The following TTC39C variants were observed in gnomAD, a reference collection of about 807,000 sequenced individuals.
TTC39C encodes the protein tetratricopeptide repeat protein 39C.
TTC39C carries 33 observed loss-of-function variants against 76.3 expected under a neutral mutation model. The observed-to-expected ratio is 0.43, with a 90% CI of 0.33 to 0.58. TTC39C has a LOEUF of 0.58. Among genes scored for constraint, TTC39C ranks in the 20% least tolerant of loss-of-function variants. The pLI is 0.04. For missense variants in TTC39C, 595 were observed against 701.4 expected, an observed-to-expected ratio of 0.85 and a Z score of 1.71; for synonymous variants, 254 against 260.6, an observed-to-expected ratio of 0.97 and a Z score of 0.24.
Position 24,047,942 on chromosome 18 carries a change from A to T in TTC39C, c.168-16198A>T, listed in dbSNP as rs188093480. ...AATATATACACCTATGTACTCATAAAAATTAAAAATTAAACATTAAAAAAG... is the reference window on the plus strand; with the variant it reads ...AATATATACACCTATGTACTCATAATAATTAAAAATTAAACATTAAAAAAG... On this transcript the variant is annotated intron_variant, in intron 1 of 13. Coordinates refer to ENST00000317571, the MANE Select transcript of TTC39C (RefSeq NM_001135993.2). Among the ~76,000 whole-genome samples, 486 of 152,304 alleles carry T rather than the reference A, an allele frequency of 3.2e-3. 4 individuals carry two copies. The highest frequency in any genetic ancestry group is 6.8e-3 in the Middle Eastern group (2 of 294).
In TTC39C at chr18:24,118,219, C is replaced by T. The variant is rs752057925; in HGVS notation, c.1173C>T (p.Ala391=). 2.5e-6 allele frequency: 4 copies of T among 1,613,270 alleles called. No homozygotes were observed. In the Admixed American group the frequency reaches 6.7e-5, roughly 27 times the overall value. The part of the protein sequence containing the change: ...NESRWSQCYY[A]YLTAVCQGAT... ...CCAGGTGGTCCCAGTGCTATTATGC[C>T]TACTTGACTGCAGGTGAGTCGCCCA... is the stretch of plus-strand genomic sequence containing the variant. The change falls in exon 8 of 14, where the codon GCC becomes GCT. Residue 391 remains alanine, a synonymous_variant. Coordinates refer to ENST00000317571, the MANE Select transcript of TTC39C (RefSeq NM_001135993.2).
chr18:24,014,722 C>A, upstream of TTC39C: 1 of 1,121,966 alleles, frequency 8.9e-7, no homozygotes, highest in Non-Finnish European at 1.1e-6. Flanking sequence ...CGGTCCTTCC[C>A]TCCTCTTCCC....
At chr18:24,088,918 C>T (rs377669586) in intron 6 of TTC39C, among the ~76,000 whole-genome samples, 81 of 152,302 alleles carry the variant, frequency 5.3e-4, no homozygotes, top group South Asian at 1.2e-3. Context: ...TCCATGACTT[C>T]GGGTGCCATC....
intron 6 of TTC39C, among the ~76,000 whole-genome samples, chr18:24,104,706 G>GTGTGTT (rs2084724587): frequency 6.6e-6 from 1 of 151,010 alleles, no homozygotes; most frequent in Non-Finnish European, 1.5e-5. Context: ...GTGTGTGTGT[G>GTGTGTT]TGTGTGTGTG....
intron 1 of TTC39C, among the ~76,000 whole-genome samples, chr18:24,048,502 T>C (rs1418012467): frequency 1.3e-5 from 2 of 152,270 alleles, no homozygotes; most frequent in Admixed American, 6.5e-5. Context: ...TATGCCTGTA[T>C]GAGTAGGAAA....
chr18:24,065,871 A>T, intron 2 of TTC39C, 141 bp from the exon 3 acceptor site: 1 of 822,240 alleles, frequency 1.2e-6, no homozygotes, highest in Non-Finnish European at 1.8e-6. Flanking sequence ...TTGAATGAAT[A>T]GATTATGCTG....
intron 1 of TTC39C, chr18:24,020,113 G>A (rs1313775847): frequency 7.9e-7 from 1 of 1,269,232 alleles, no homozygotes; most frequent in East Asian, 3.2e-5. Context: ...TGTAAGAAAA[G>A]GAGAAGAAAT....
In TTC39C at chr18:24,134,447, T is replaced by C. The variant is rs538537109; in HGVS notation, c.*1873T>C. On this transcript the variant is annotated 3_prime_UTR_variant, in exon 14 of 14. Coordinates refer to ENST00000317571, the MANE Select transcript of TTC39C (RefSeq NM_001135993.2). ...CGCAACCACACCCGGCTAATTTTTTTTGTATTTTTAGTAGAGATGGGGTTT... is the reference window on the plus strand; with the variant it reads ...CGCAACCACACCCGGCTAATTTTTTCTGTATTTTTAGTAGAGATGGGGTTT... 1 of 152,026 alleles carries C rather than the reference T, an allele frequency of 6.6e-6. No homozygotes were observed. Among genetic ancestry groups the C allele is most frequent in the East Asian group, 1.9e-4 (1 of 5,152 alleles). 9.4% of individuals were successfully genotyped at this position (152,026 alleles called of 1,614,324 possible). A position where few individuals can be genotyped will look rare whatever the true frequency, so the allele number is the denominator to read the frequency against.
chr18:24,030,597 G>A (rs1168926201), intron 1 of TTC39C, among the ~76,000 whole-genome samples: 1 of 148,748 alleles, frequency 6.7e-6, no homozygotes, highest in Non-Finnish European at 1.5e-5. Context: ...TCACTGTGTC[G>A]TGTGTATTTC....
chr18:24,065,472 G>A (rs2084154386), intron 2 of TTC39C, among the ~76,000 whole-genome samples: 1 of 152,184 alleles, frequency 6.6e-6, no homozygotes. Context: ...CCAGGATCAG[G>A]TGCCTGGAAA....
intron 8 of TTC39C, 82 bp downstream of exon 8, chr18:24,118,314 C>T: frequency 9.4e-7 from 1 of 1,060,278 alleles, no homozygotes; most frequent in Non-Finnish European, 1.4e-6. Context: ...AGAATGATGG[C>T]AAGAGGAAGC....
intron 13 of TTC39C, among the ~76,000 whole-genome samples, 156 bp downstream of exon 13, chr18:24,132,076 G>T (rs1397083996): frequency 2.0e-5 from 3 of 152,188 alleles, no homozygotes; most frequent in South Asian, 4.1e-4. Context: ...GAGCTCTTGA[G>T]TTTTAAGGGA....
rs770511265 is a variant in TTC39C, at chr18:24,134,764, T to C, written c.*2190T>C. ...TTGAATTTTCAGTTCAAAATATTGT[T>C]TGAACTATTATTCCACATTCAAAGA... On this transcript the variant is annotated 3_prime_UTR_variant, in exon 14 of 14. Coordinates refer to ENST00000317571, the MANE Select transcript of TTC39C (RefSeq NM_001135993.2). 1 of 151,968 alleles carries C rather than the reference T, an allele frequency of 6.6e-6. No individual in the cohort carries two copies. Among genetic ancestry groups the C allele is most frequent in the Non-Finnish European group, 1.5e-5 (1 of 67,984 alleles). The allele number at this position is 151,968 out of a possible 1,614,324, so 9.4% of individuals were successfully genotyped here.
chr18:24,118,531 G>A lies in TTC39C; in HGVS notation c.1186+299G>A, dbSNP rs192476063. ...AAATGCATATTATGAGGTCTTCCCC[G>A]TTACTGTATATTTTGCCCTAAGTTG... On this transcript the variant is annotated intron_variant, in intron 8 of 13. Transcript: ENST00000317571. Among the ~76,000 whole-genome samples the A allele has an allele frequency of 1.4e-3, 206 of 152,108 alleles. 1 individual carries two copies. The highest frequency in any genetic ancestry group is 2.5e-3 in the Admixed American group (38 of 15,276).
chr18:24,104,410 G>T (rs1439419879), intron 6 of TTC39C, among the ~76,000 whole-genome samples: 1 of 152,076 alleles, frequency 6.6e-6, no homozygotes, highest in African/African-American at 2.4e-5. Context: ...TGCTTTCTGG[G>T]CCCTGCCTAG....
intron 1 of TTC39C, among the ~76,000 whole-genome samples, chr18:24,001,401 C>T (rs890105548): frequency 6.6e-6 from 1 of 152,122 alleles, no homozygotes; most frequent in Non-Finnish European, 1.5e-5. Context: ...TCTAGATATT[C>T]GCTCTCTCAT....
At chr18:24,085,710 A>C (rs1414135859) in intron 6 of TTC39C, among the ~76,000 whole-genome samples, 1 of 152,072 alleles carries the variant, frequency 6.6e-6, no homozygotes, top group African/African-American at 2.4e-5. Flanking sequence ...AGGTGCTAGA[A>C]CTCCTTCACA....
chr18:24,005,437 C>G (rs1343521742), intron 1 of TTC39C, among the ~76,000 whole-genome samples: 1 of 151,990 alleles, frequency 6.6e-6, no homozygotes, highest in Non-Finnish European at 1.5e-5. Flanking sequence ...AGGATTCAAG[C>G]CATTAACTCC....
intron 1 of TTC39C, among the ~76,000 whole-genome samples, chr18:24,017,536 TAGTTCG>T (rs2083468294): frequency 6.6e-6 from 1 of 152,226 alleles, no homozygotes; most frequent in African/African-American, 2.4e-5. Context: ...CTTGACTGCA[TAGTTCG>T]AGTACAAGAC....
Sources: allele counts gnomAD v4.1 joint callset (sites outside exome capture counted in the v4.1 genomes callset), GRCh38; gene constraint gnomAD v4.1.1; transcripts MANE v1.5; gene names NCBI Gene and HGNC (gene_info 2026-07-23, HGNC 2026-07-21).